The following ANXA8 variants were observed in gnomAD, a reference collection of about 807,000 sequenced individuals.
The protein encoded by ANXA8 is VAC-beta.
Under a neutral mutation model 26.8 loss-of-function variants are expected in ANXA8, and 9 were observed. That is an observed-to-expected ratio of 0.34 (90% CI 0.20 to 0.59). ANXA8 has a LOEUF of 0.59. Ranked by LOEUF, ANXA8 falls within the 20% of genes least tolerant of loss-of-function variation. The pLI is 0.84. For missense variants in ANXA8, 83 were observed against 238.5 expected (o/e 0.35, Z 4.29); for synonymous variants, 39 against 94.8 (o/e 0.41, Z 3.42).
At chr10:47,935,616 TGTC>T in the ANXA8 span, among the ~76,000 whole-genome samples, 1 of 138,522 alleles carries the variant, frequency 7.2e-6, no homozygotes, top group Non-Finnish European at 1.6e-5. Context: ...CTGTCTGAAA[TGTC>T]AGCTCAAGAA....
the ANXA8 span, among the ~76,000 whole-genome samples, chr10:47,572,305 T>C: frequency 1.4e-5 from 2 of 146,154 alleles, no homozygotes; most frequent in African/African-American, 2.6e-5. Flanking sequence ...CATCCCCTTA[T>C]ATCTCTGTGC....
At chr10:47,710,222 T>G in the ANXA8 span, 4 of 1,507,248 alleles carry the variant, frequency 2.7e-6, no homozygotes. Context: ...TTTCCTTAGA[T>G]TCCAGTGTAG....
At chr10:47,566,677 A>G in the ANXA8 span, among the ~76,000 whole-genome samples, 1 of 140,766 alleles carries the variant, frequency 7.1e-6, no homozygotes, top group Non-Finnish European at 1.6e-5. Flanking sequence ...GAGGAATAGA[A>G]CAGTGTGTGT....
chr10:47,596,957 A>G, the ANXA8 span, among the ~76,000 whole-genome samples: 1 of 148,428 alleles, frequency 6.7e-6, no homozygotes, highest in Admixed American at 6.6e-5. Context: ...CTCACACAAA[A>G]AACAAAACCC....
chr10:47,552,143 T>C, the ANXA8 span, among the ~76,000 whole-genome samples: 2 of 151,870 alleles, frequency 1.3e-5, no homozygotes, highest in Non-Finnish European at 2.9e-5. Flanking sequence ...TTAGATGAGT[T>C]ACCTCTGCTA....
At chr10:47,603,606 G>A in the ANXA8 span, among the ~76,000 whole-genome samples, 1 of 147,922 alleles carries the variant, frequency 6.8e-6, no homozygotes, top group Admixed American at 6.6e-5. Context: ...CCACTTCCCG[G>A]GTTCAAGTGA....
chr10:47,940,834 A>T, the ANXA8 span, among the ~76,000 whole-genome samples: 1 of 144,752 alleles, frequency 6.9e-6, no homozygotes, highest in African/African-American at 2.7e-5. Flanking sequence ...TCTCAAAAAA[A>T]AAAAAGAAAA....
At chr10:47,595,613 C>T in the ANXA8 span, among the ~76,000 whole-genome samples, 6 of 149,188 alleles carry the variant, frequency 4.0e-5, 1 homozygote, top group African/African-American at 1.5e-4. Context: ...AGTTTCTATT[C>T]TCATATCAGA....
At chr10:47,533,221 A>ACC in the ANXA8 span, among the ~76,000 whole-genome samples, 19 of 142,090 alleles carry the variant, frequency 1.3e-4, no homozygotes, top group African/African-American at 4.9e-4. Context: ...ACACACACAC[A>ACC]CACCCCCGCA....
At chr10:47,744,413 G>GGGGGGGGTTGGGGGGGGAGGGGGGA in the ANXA8 span, among the ~76,000 whole-genome samples, 2 of 3,978 alleles carry the variant, frequency 5.0e-4, 1 homozygote, top group Non-Finnish European at 9.5e-4. Flanking sequence ...GCTCCTGGTG[G>GGGGGGGGTTGGGGGGGGAGGGGGGA]GGGGGGGGTT....
the ANXA8 span, among the ~76,000 whole-genome samples, chr10:47,768,223 G>T: frequency 1.3e-5 from 2 of 151,394 alleles, no homozygotes; most frequent in African/African-American, 2.4e-5. Flanking sequence ...TTACTGCTCA[G>T]CCTCCATGGC....
At chr10:47,678,797 T>C in the ANXA8 span, among the ~76,000 whole-genome samples, 1 of 150,164 alleles carries the variant, frequency 6.7e-6, no homozygotes, top group Non-Finnish European at 1.5e-5. Context: ...TCCTAGCACT[T>C]TGGGGGGCCG....
At chr10:47,474,445 G>A in intron 7 of ANXA8, 47 bp from the exon 8 acceptor site, 1 of 1,235,924 alleles carries the variant, frequency 8.1e-7, no homozygotes, top group East Asian at 5.3e-5. Context: ...GACCAGGGAG[G>A]TGAGGGACTG....
the ANXA8 span, among the ~76,000 whole-genome samples, chr10:47,676,988 T>G: frequency 1.8e-4 from 12 of 65,706 alleles, no homozygotes; most frequent in African/African-American, 1.3e-3. Flanking sequence ...CATAAAGAGC[T>G]GAAAGAAAAA....
Position 47,474,962 on chromosome 10 carries a change from C to A in ANXA8, c.535G>T (p.Ala179Ser). ...DVSSFVDPGLALQDAQDLYAA... is the reference protein window; with the variant it reads ...DVSSFVDPGLSLQDAQDLYAA... ...AGCCTCACCTGTGCGTCTTGGAGGG[C>A]CAGTCCTGGGTCCACAAAGCTGCTC... The change falls in exon 7 of 12, where the codon GCC becomes TCC. Residue 179 changes from alanine to serine, a missense_variant. Physicochemically the swap from Ala to Ser is moderately conservative, Grantham distance 99. This residue lies in a region of ANXA8 where 24 missense variants were observed against 30.6 expected (regional missense o/e 0.78). Transcript: ENST00000585281. The A allele has an allele frequency of 6.5e-7, 1 of 1,529,006 alleles. No homozygotes were observed. Among genetic ancestry groups the A allele is most frequent in the Non-Finnish European group, 8.8e-7 (1 of 1,131,166 alleles). 94.7% of individuals were successfully genotyped at this position (1,529,006 alleles called of 1,614,324 possible). A position where few individuals can be genotyped will look rare whatever the true frequency, so the allele number is the denominator to read the frequency against.
the ANXA8 span, among the ~76,000 whole-genome samples, chr10:47,595,445 C>T: frequency 1.3e-3 from 197 of 148,754 alleles, 3 homozygotes; most frequent in South Asian, 0.01. Context: ...CTAAATCCTC[C>T]GCTTAAAAGA....
chr10:47,982,608 A>G, the ANXA8 span, among the ~76,000 whole-genome samples: 1 of 143,116 alleles, frequency 7.0e-6, no homozygotes, highest in Non-Finnish European at 1.5e-5. Context: ...AGCTAAAACT[A>G]TAAAACCATA....
chr10:47,659,107 G>A, the ANXA8 span, among the ~76,000 whole-genome samples: 8 of 151,800 alleles, frequency 5.3e-5, no homozygotes, highest in African/African-American at 1.2e-4. Flanking sequence ...TCCTGACCTC[G>A]TGATCTGCCT....
chr10:47,987,598 G>A, the ANXA8 span, among the ~76,000 whole-genome samples: 70 of 146,976 alleles, frequency 4.8e-4, no homozygotes, highest in African/African-American at 1.5e-3. Context: ...GAGGGAACTT[G>A]GACACCTGCA....
Sources: allele counts gnomAD v4.1 joint callset (sites outside exome capture counted in the v4.1 genomes callset), GRCh38; gene constraint gnomAD v4.1.1; regional missense constraint gnomAD v4.1.1; transcripts MANE v1.5; gene names NCBI Gene and HGNC (gene_info 2026-07-23, HGNC 2026-07-21).